GRM5: variants seen among roughly 807,000 people sequenced by gnomAD.
GRM5 encodes the protein glutamate metabotropic receptor 5, also known as metabotropic glutamate receptor 5.
A neutral mutation model predicts 83.1 loss-of-function variants in GRM5; 19 were observed. The ratio of observed to expected loss-of-function variants is 0.23; its 90% confidence interval spans 0.16 to 0.34. The LOEUF (loss-of-function observed/expected upper bound fraction) is 0.34, where lower values mean the gene tolerates loss of function less well. GRM5 is among the 10% of genes least tolerant of loss of function. The pLI, the probability that GRM5 is intolerant of heterozygous loss-of-function variation, is 1.00. For missense variants in GRM5, 1,160 were observed against 1,588.3 expected (o/e 0.73, Z 4.58); for synonymous variants, 675 against 633.6 (o/e 1.07, Z -0.98).
At chr11:88,539,364 A>T (rs1942212070) in intron 8 of GRM5, among the ~76,000 whole-genome samples, 1 of 152,190 alleles carries the variant, frequency 6.6e-6, no homozygotes, top group Admixed American at 6.5e-5. Context: ...CCCATAAGGG[A>T]ATCATAAACT....
At chr11:88,554,260 C>G (rs919568786) in intron 8 of GRM5, among the ~76,000 whole-genome samples, 1 of 152,114 alleles carries the variant, frequency 6.6e-6, no homozygotes, top group African/African-American at 2.4e-5. Context: ...ATAGCACTTT[C>G]AAATGTCTCT....
chr11:88,773,715 T>A (rs1942787435), intron 3 of GRM5, among the ~76,000 whole-genome samples: 1 of 152,222 alleles, frequency 6.6e-6, no homozygotes, highest in Non-Finnish European at 1.5e-5. Context: ...GGGAATCCTT[T>A]CCCCATTTCT....
chr11:88,734,826 C>T (rs1000510050), intron 3 of GRM5, among the ~76,000 whole-genome samples: 1 of 151,956 alleles, frequency 6.6e-6, no homozygotes, highest in Non-Finnish European at 1.5e-5. Flanking sequence ...TTGTTATTGA[C>T]AATGAATATG....
chr11:89,057,598 C>G (rs1459216460), intron 1 of GRM5, among the ~76,000 whole-genome samples: 1 of 152,154 alleles, frequency 6.6e-6, no homozygotes, highest in African/African-American at 2.4e-5. Context: ...CCTGGAACAG[C>G]CTTCTGCAGC....
chr11:88,524,656 A>ACATG (rs1941819966), intron 9 of GRM5, among the ~76,000 whole-genome samples: 1 of 152,256 alleles, frequency 6.6e-6, no homozygotes, highest in African/African-American at 2.4e-5. Context: ...GTATAAAAGA[A>ACATG]CATGCACAGC....
At chr11:88,976,609 G>A (rs894790555) in intron 2 of GRM5, among the ~76,000 whole-genome samples, 1 of 152,070 alleles carries the variant, frequency 6.6e-6, no homozygotes, top group Non-Finnish European at 1.5e-5. Flanking sequence ...ATAGATTTGA[G>A]GAGGAGGTTG....
intron 3 of GRM5, among the ~76,000 whole-genome samples, chr11:88,778,820 AAG>A (rs1249016236): frequency 1.8e-4 from 27 of 152,244 alleles, no homozygotes; most frequent in Admixed American, 1.5e-3. Flanking sequence ...AACTGGGGAG[AAG>A]AGTTTTTTCA....
intron 3 of GRM5, among the ~76,000 whole-genome samples, chr11:88,689,906 A>AT (rs148611004): frequency 0.02 from 2,940 of 150,188 alleles, 59 homozygotes; most frequent in East Asian, 0.1. Context: ...TTAAAAGAAC[A>AT]TTTTTTTTTT....
At chr11:89,001,306 A>C (rs1940370902) in intron 2 of GRM5, among the ~76,000 whole-genome samples, 1 of 152,134 alleles carries the variant, frequency 6.6e-6, no homozygotes, top group Non-Finnish European at 1.5e-5. Context: ...ATAATCAAAA[A>C]CCAGAATCAG....
intron 2 of GRM5, among the ~76,000 whole-genome samples, chr11:89,035,113 C>T (rs1941354572): frequency 1.3e-5 from 2 of 151,480 alleles, no homozygotes; most frequent in Non-Finnish European, 1.5e-5. Flanking sequence ...CAGTAGAATT[C>T]AATTTTATTA....
chr11:88,729,986 T>C (rs1320943684), intron 3 of GRM5, among the ~76,000 whole-genome samples: 1 of 152,142 alleles, frequency 6.6e-6, no homozygotes, highest in Non-Finnish European at 1.5e-5. Flanking sequence ...ACTTCATGAC[T>C]AAAACACCAA....
chr11:88,591,794 C>T (rs1280773819), intron 6 of GRM5, among the ~76,000 whole-genome samples: 1 of 152,138 alleles, frequency 6.6e-6, no homozygotes, highest in Non-Finnish European at 1.5e-5. Context: ...AATAGCTTTT[C>T]CCTAAAGTAA....
In GRM5 at chr11:88,648,397, G is replaced by A. The variant is rs534009006; in HGVS notation, c.1147+4771C>T. Among the ~76,000 whole-genome samples the A allele has an allele frequency of 1.4e-3, 200 of 140,418 alleles. 1 individual carries two copies. The highest frequency in any genetic ancestry group is 4.8e-3 in the African/African-American group (180 of 37,716). 92.1% of individuals were successfully genotyped at this position (140,418 alleles called of 152,430 possible). A position where few individuals can be genotyped will look rare whatever the true frequency, so the allele number is the denominator to read the frequency against. On this transcript the variant is annotated intron_variant, in intron 4 of 9. Coordinates refer to ENST00000305447, the MANE Select transcript of GRM5 (RefSeq NM_001143831.3). ...AAATCATCATTCTCAGTAAACTATCGCAAGAACAAAAAACCAAACACCGCA... is the reference window on the plus strand; with the variant it reads ...AAATCATCATTCTCAGTAAACTATCACAAGAACAAAAAACCAAACACCGCA...
intron 8 of GRM5, among the ~76,000 whole-genome samples, chr11:88,565,867 T>A (rs117181773): frequency 8.2e-4 from 125 of 152,306 alleles, no homozygotes; most frequent in Middle Eastern, 6.8e-3. Context: ...TGTAAACGAA[T>A]TGGACCTTGT....
At chr11:88,732,674 G>T (rs894315068) in intron 3 of GRM5, among the ~76,000 whole-genome samples, 5 of 152,078 alleles carry the variant, frequency 3.3e-5, no homozygotes, top group Non-Finnish European at 7.4e-5. Context: ...CTCAGAATGA[G>T]TGTGAATATA....
chr11:88,984,302 T>C (rs7925463), intron 2 of GRM5, among the ~76,000 whole-genome samples: 2,958 of 152,290 alleles, frequency 0.019, 92 homozygotes, highest in African/African-American at 0.066. Flanking sequence ...ATTTTTACTG[T>C]ACCTTTTCTA....
intron 3 of GRM5, among the ~76,000 whole-genome samples, chr11:88,749,184 G>C (rs548653385): frequency 1.1e-4 from 17 of 152,182 alleles, no homozygotes; most frequent in African/African-American, 4.1e-4. Flanking sequence ...CTAATGCTAA[G>C]AAGGAAAAAG....
Position 88,761,192 on chromosome 11 carries a change from C to T in GRM5, c.911+88714G>A, listed in dbSNP as rs184330189. 3.3e-3 allele frequency among the ~76,000 whole-genome samples: 507 copies of T among 152,150 alleles called. 2 individuals are homozygous for T. Among genetic ancestry groups the T allele is most frequent in the Non-Finnish European group, 2.5e-3 (171 of 67,974 alleles). The stretch of plus-strand genomic sequence containing the variant: ...TCCTATTCACCATAGTATTCGAAGT[C>T]CTGGCCAGAGAAATCGGGCAACAGA... On this transcript the variant is annotated intron_variant, in intron 3 of 9. Coordinates refer to ENST00000305447, the MANE Select transcript of GRM5 (RefSeq NM_001143831.3).
chr11:88,827,671 T>A (rs371372510), intron 3 of GRM5, among the ~76,000 whole-genome samples: 1 of 152,190 alleles, frequency 6.6e-6, no homozygotes, highest in East Asian at 1.9e-4. Flanking sequence ...AATGAGAAAC[T>A]TTAAAAAATC....
Sources: allele counts gnomAD v4.1 joint callset (sites outside exome capture counted in the v4.1 genomes callset), GRCh38; gene constraint gnomAD v4.1.1; transcripts MANE v1.5; gene names NCBI Gene and HGNC (gene_info 2026-07-23, HGNC 2026-07-21).